AP1G1: variants seen among roughly 807,000 people sequenced by gnomAD.
AP1G1 encodes the protein adaptor related protein complex 1 subunit gamma 1.
AP1G1 carries 7 observed loss-of-function variants against 108.3 expected under a neutral mutation model. That is an observed-to-expected ratio of 0.06 (90% CI 0.04 to 0.12). The LOEUF is 0.12. Among genes scored for constraint, AP1G1 ranks in the 10% least tolerant of loss-of-function variants. AP1G1 has a pLI of 1.00. For synonymous variants in AP1G1, 379 were observed against 353.5 expected (o/e 1.07, Z -0.81); for missense variants, 756 against 1,010.7 (o/e 0.75, Z 3.42).
intron 1 of AP1G1, among the ~76,000 whole-genome samples, chr16:71,793,744 G>C (rs959939362): frequency 6.6e-6 from 1 of 152,096 alleles, no homozygotes; most frequent in Non-Finnish European, 1.5e-5. Flanking sequence ...GAGTGCAGTG[G>C]TGCGATCTCG....
chr16:71,773,485 T>A, intron 3 of AP1G1, 123 bp from the exon 4 acceptor site: 1 of 1,008,460 alleles, frequency 9.9e-7, no homozygotes, highest in Admixed American at 3.5e-5. Flanking sequence ...GGATTATTTG[T>A]TGCAGAAAAT....
In AP1G1 at chr16:71,789,474, T is replaced by C; in HGVS notation, c.6A>G (p.Pro2=). The C allele has an allele frequency of 6.2e-7, 1 of 1,614,106 alleles. No individual in the cohort carries two copies. The highest frequency in any genetic ancestry group is 8.5e-7 in the Non-Finnish European group (1 of 1,179,974). The change falls in exon 2 of 23, where the codon CCA becomes CCG. Residue 2 remains proline, a synonymous_variant. Transcript: ENST00000299980. ...TCAGCTCCCGCAATCTGATGGGGGC[T>C]GGCATCCTCTGGATATGGAAAGACA... M[P]APIRLRELIR...
At chr16:71,769,903 C>G (rs376768628) in intron 5 of AP1G1, among the ~76,000 whole-genome samples, 1 of 152,138 alleles carries the variant, frequency 6.6e-6, no homozygotes, top group Non-Finnish European at 1.5e-5. Context: ...TTGGTAAAAT[C>G]GGAATGTTTT....
chr16:71,756,991 G>C (rs971241150), intron 11 of AP1G1, among the ~76,000 whole-genome samples: 1 of 151,750 alleles, frequency 6.6e-6, no homozygotes, highest in African/African-American at 2.4e-5. Flanking sequence ...AAAAAAAATG[G>C]CATGTCCTAG....
intron 21 of AP1G1, among the ~76,000 whole-genome samples, chr16:71,735,651 G>A (rs1429694483): frequency 3.4e-5 from 5 of 148,492 alleles, no homozygotes; most frequent in Non-Finnish European, 5.9e-5. Flanking sequence ...GCAAGACTCC[G>A]TCTCAAAAAA....
intron 1 of AP1G1, among the ~76,000 whole-genome samples, chr16:71,801,922 C>CAAAAA (rs901972267): frequency 4.3e-4 from 27 of 63,092 alleles, no homozygotes; most frequent in African/African-American, 4.8e-4. Context: ...ACTCCGTAAC[C>CAAAAA]AAAAAAAAAA....
intron 21 of AP1G1, among the ~76,000 whole-genome samples, chr16:71,735,147 GC>G (rs1174657019): frequency 6.6e-6 from 1 of 152,182 alleles, no homozygotes; most frequent in Non-Finnish European, 1.5e-5. Context: ...CCAACTATAA[GC>G]TTTTAGGCTT....
chr16:71,771,311 T>A, intron 4 of AP1G1, 59 bp from the exon 5 acceptor site: 1 of 1,024,978 alleles, frequency 9.8e-7, no homozygotes, highest in Non-Finnish European at 1.4e-6. Flanking sequence ...GGGCAACCAA[T>A]CTTATTAAAA....
chr16:71,736,383 A>AC (rs1432329194), intron 21 of AP1G1, among the ~76,000 whole-genome samples: 4 of 146,308 alleles, frequency 2.7e-5, no homozygotes, highest in Admixed American at 2.1e-4. Context: ...ATAAAATATG[A>AC]CTTTTTTTTT....
At chr16:71,783,794 G>T (rs2032106570) in intron 2 of AP1G1, among the ~76,000 whole-genome samples, 1 of 152,128 alleles carries the variant, frequency 6.6e-6, no homozygotes, top group Non-Finnish European at 1.5e-5. Flanking sequence ...AGAGAAACTA[G>T]AAGTCCAGAT....
chr16:71,763,807 TAGAA>T (rs545136088), intron 9 of AP1G1, among the ~76,000 whole-genome samples: 177 of 152,254 alleles, frequency 1.2e-3, no homozygotes, highest in African/African-American at 4.0e-3. Context: ...TAATAAATGA[TAGAA>T]TGAACAAATT....
At chr16:71,799,823 C>G (rs1162837235) in intron 1 of AP1G1, among the ~76,000 whole-genome samples, 1 of 151,772 alleles carries the variant, frequency 6.6e-6, no homozygotes, top group Non-Finnish European at 1.5e-5. Flanking sequence ...GGCGTGAACC[C>G]AGGAAGCAGA....
chr16:71,760,533 G>GA (rs1486794827), intron 10 of AP1G1, among the ~76,000 whole-genome samples: 1 of 136,430 alleles, frequency 7.3e-6, no homozygotes, highest in South Asian at 2.3e-4. Context: ...CAACAAGAGC[G>GA]AAACTCCATC....
At chr16:71,758,947 A>T in intron 10 of AP1G1, 26 bp from the exon 11 acceptor site, 1 of 1,350,802 alleles carries the variant, frequency 7.4e-7, no homozygotes, top group South Asian at 1.3e-5. Flanking sequence ...GCAAAATAAC[A>T]GAGTTAAAAT....
At chr16:71,738,727 T>C (rs2045581645) in intron 21 of AP1G1, among the ~76,000 whole-genome samples, 1 of 152,198 alleles carries the variant, frequency 6.6e-6, no homozygotes, top group African/African-American at 2.4e-5. Context: ...TTCTTTATCC[T>C]ACAATGCTAA....
intron 16 of AP1G1, 135 bp downstream of exon 16, chr16:71,748,116 T>C (rs1054208571): frequency 1.1e-6 from 1 of 881,984 alleles, no homozygotes; most frequent in African/African-American, 1.7e-5. Context: ...GAGAAATAAG[T>C]AATGGAAATT....
chr16:71,794,485 T>C (rs2032509528), intron 1 of AP1G1, among the ~76,000 whole-genome samples: 1 of 152,146 alleles, frequency 6.6e-6, no homozygotes, highest in Non-Finnish European at 1.5e-5. Flanking sequence ...TATAGATTAA[T>C]GTGTTTCAGT....
chr16:71,764,638 C>T lies in AP1G1; in HGVS notation c.819+8G>A, dbSNP rs1029919226. On this transcript the variant is annotated splice_region_variant and intron_variant, in intron 8 of 22. Coordinates refer to ENST00000299980, the MANE Select transcript of AP1G1 (RefSeq NM_001128.6). ...TAAATATATATTTAATATGTTTGGT[C>T]TACTCACCTGTGCTAATATATCATT... is the stretch of plus-strand genomic sequence containing the variant. The T allele has an allele frequency of 1.3e-6, 2 of 1,574,012 alleles. No individual in the cohort carries two copies.
chr16:71,791,357 C>T (rs1176205807), intron 1 of AP1G1, among the ~76,000 whole-genome samples: 3 of 151,868 alleles, frequency 2.0e-5, no homozygotes, highest in Non-Finnish European at 4.4e-5. Flanking sequence ...AGCCCTTGAA[C>T]TAAACAATTG....
Sources: gnomAD v4.1 joint callset for allele counts (sites outside exome capture counted in the v4.1 genomes callset) on GRCh38, gnomAD v4.1.1 for gene constraint, MANE v1.5 for transcripts, NCBI Gene and HGNC (gene_info 2026-07-23, HGNC 2026-07-21) for gene names.